Variants in KIF16B observed in about 807,000 individuals in gnomAD.
The protein encoded by KIF16B is kinesin family member 16B.
In KIF16B, 98 loss-of-function variants were observed where a neutral mutation model predicts 156.3. The observed-to-expected ratio is 0.63, with a 90% CI of 0.53 to 0.74. The LOEUF is 0.74. Ranked by LOEUF, KIF16B falls within the 30% of genes least tolerant of loss-of-function variation. KIF16B has a pLI of 0.00. For synonymous variants in KIF16B, 564 were observed against 583.7 expected (o/e 0.97, Z 0.49); for missense variants, 1,421 against 1,606.5 (o/e 0.88, Z 1.97).
intron 12 of KIF16B, among the ~76,000 whole-genome samples, chr20:16,454,818 A>G (rs2067172461): frequency 6.6e-6 from 1 of 152,218 alleles, no homozygotes; most frequent in South Asian, 2.1e-4. Context: ...TATTTATGAA[A>G]TAAATATCTT....
chr20:16,315,344 G>C (rs2063681886), intron 24 of KIF16B, among the ~76,000 whole-genome samples: 1 of 152,124 alleles, frequency 6.6e-6, no homozygotes, highest in Non-Finnish European at 1.5e-5. Context: ...TCAACTAACT[G>C]TCTGACTTTA....
intron 12 of KIF16B, among the ~76,000 whole-genome samples, chr20:16,458,223 C>G (rs983954733): frequency 6.6e-6 from 1 of 152,172 alleles, no homozygotes; most frequent in Non-Finnish European, 1.5e-5. Context: ...CCCAAATGAG[C>G]AAGTTCTAGC....
chr20:16,323,157 A>T (rs2063795408), intron 24 of KIF16B, among the ~76,000 whole-genome samples: 2 of 151,890 alleles, frequency 1.3e-5, no homozygotes, highest in Admixed American at 1.3e-4. Flanking sequence ...GTCATTCCTC[A>T]TTTACTAGTC....
chr20:16,359,610 A>G (rs1434504784), intron 22 of KIF16B, among the ~76,000 whole-genome samples: 1 of 151,324 alleles, frequency 6.6e-6, no homozygotes, highest in Non-Finnish European at 1.5e-5. Context: ...ACCAATCCCT[A>G]ATAAAAGGAA....
At chr20:16,289,834 C>T (rs1435568397) in intron 25 of KIF16B, among the ~76,000 whole-genome samples, 2 of 152,130 alleles carry the variant, frequency 1.3e-5, no homozygotes, top group Non-Finnish European at 2.9e-5. Context: ...GAGCCAGACT[C>T]CGTCTCAAAA....
At chr20:16,354,229 T>G (rs190877992) in intron 23 of KIF16B, among the ~76,000 whole-genome samples, 1 of 152,286 alleles carries the variant, frequency 6.6e-6, no homozygotes, top group Admixed American at 6.5e-5. Context: ...GTTCTATACA[T>G]GAAATTGATT....
At chr20:16,344,233 CA>C (rs1312659774) in intron 23 of KIF16B, among the ~76,000 whole-genome samples, 1 of 152,176 alleles carries the variant, frequency 6.6e-6, no homozygotes, top group Non-Finnish European at 1.5e-5. Context: ...ATCTCTTAGA[CA>C]ACTGTTGCAA....
At chr20:16,441,558 T>C (rs2066801510) in intron 12 of KIF16B, among the ~76,000 whole-genome samples, 1 of 152,166 alleles carries the variant, frequency 6.6e-6, no homozygotes. Context: ...TTTTGAAATG[T>C]CAAAATATCA....
At chr20:16,366,951 G>A in intron 22 of KIF16B, 4 of 1,255,884 alleles carry the variant, frequency 3.2e-6, no homozygotes, top group Non-Finnish European at 4.0e-6. Context: ...ATTTTATTGG[G>A]GCTCTGCTAT....
chr20:16,336,652 T>A (rs2064043070), intron 23 of KIF16B, among the ~76,000 whole-genome samples: 1 of 152,102 alleles, frequency 6.6e-6, no homozygotes, highest in Non-Finnish European at 1.5e-5. Flanking sequence ...GAACCTCCAA[T>A]TCAATTTGTC....
intron 12 of KIF16B, among the ~76,000 whole-genome samples, chr20:16,475,098 C>T (rs2067772278): frequency 6.6e-6 from 1 of 152,178 alleles, no homozygotes; most frequent in African/African-American, 2.4e-5. Context: ...AAACATTACT[C>T]TTAAGTTTCA....
intron 14 of KIF16B, among the ~76,000 whole-genome samples, chr20:16,428,233 A>G (rs1167538839): frequency 1.3e-5 from 2 of 152,176 alleles, no homozygotes; most frequent in African/African-American, 4.8e-5. Context: ...AACCTAATAC[A>G]TGTAGGAACA....
At chr20:16,308,459 G>A (rs1269109623) in intron 25 of KIF16B, among the ~76,000 whole-genome samples, 1 of 152,192 alleles carries the variant, frequency 6.6e-6, no homozygotes, top group Non-Finnish European at 1.5e-5. Flanking sequence ...TTCTTTACAG[G>A]AAGAACCAAC....
intron 9 of KIF16B, among the ~76,000 whole-genome samples, chr20:16,505,193 G>A (rs2068738226): frequency 6.6e-6 from 1 of 152,168 alleles, no homozygotes; most frequent in African/African-American, 2.4e-5. Flanking sequence ...AGTCAGAAGG[G>A]AAACAAGTCC....
rs78343581 is a variant in KIF16B, at chr20:16,483,724, A to G, written c.1302+10567T>C. Among the ~76,000 whole-genome samples the G allele has an allele frequency of 3.2e-3, 491 of 152,216 alleles. 3 individuals carry two copies. The highest frequency in any genetic ancestry group is 0.011 in the African/African-American group (450 of 41,524). On this transcript the variant is annotated intron_variant, in intron 12 of 25. Transcript: ENST00000354981. The stretch of plus-strand genomic sequence containing the variant: ...TGGTGACCAACGTCAGAAAAATCAT[A>G]AATTATTGATCCAGAGTAACACACA...
At chr20:16,468,370 G>A (rs572169421) in intron 12 of KIF16B, among the ~76,000 whole-genome samples, 6 of 151,988 alleles carry the variant, frequency 3.9e-5, no homozygotes, top group South Asian at 2.1e-4. Context: ...TCAAGAGTTC[G>A]AGACCAGCCT....
chr20:16,557,821 T>C (rs2070907158), intron 1 of KIF16B, among the ~76,000 whole-genome samples: 1 of 152,116 alleles, frequency 6.6e-6, no homozygotes, highest in Admixed American at 6.5e-5. Flanking sequence ...ATTTGAAAAT[T>C]TAGGGATTTT....
intron 12 of KIF16B, among the ~76,000 whole-genome samples, chr20:16,447,761 A>G (rs542477250): frequency 6.6e-6 from 1 of 152,298 alleles, no homozygotes; most frequent in Admixed American, 6.5e-5. Context: ...TATTTCTAAC[A>G]AACTAGAAAT....
intron 25 of KIF16B, among the ~76,000 whole-genome samples, chr20:16,304,418 G>GA (rs1449592423): frequency 6.6e-6 from 1 of 152,084 alleles, no homozygotes; most frequent in East Asian, 1.9e-4. Flanking sequence ...CACCAACATG[G>GA]AAAAGCCCCC....
Sources: gnomAD v4.1 joint callset for allele counts (sites outside exome capture counted in the v4.1 genomes callset) on GRCh38, gnomAD v4.1.1 for gene constraint, MANE v1.5 for transcripts, NCBI Gene and HGNC (gene_info 2026-07-23, HGNC 2026-07-21) for gene names.